Variants in VNN1 observed in about 807,000 individuals in gnomAD.
VNN1 encodes the protein vanin 1.
A neutral mutation model predicts 41.9 loss-of-function variants in VNN1; 29 were observed. That is an observed-to-expected ratio of 0.69 (90% CI 0.52 to 0.94). The LOEUF (loss-of-function observed/expected upper bound fraction) is 0.94, where lower values mean the gene tolerates loss of function less well. Among genes scored for constraint, VNN1 ranks in the 40% least tolerant of loss-of-function variants. The pLI, the probability that VNN1 is intolerant of heterozygous loss-of-function variation, is 0.00. For synonymous variants in VNN1, 233 were observed against 224.4 expected (o/e 1.04, Z -0.34); for missense variants, 637 against 621.1 (o/e 1.03, Z -0.27).
At chr6:132,704,672 C>A (rs1263111642) in intron 2 of VNN1, among the ~76,000 whole-genome samples, 7 of 150,624 alleles carry the variant, frequency 4.6e-5, no homozygotes, top group Admixed American at 2.0e-4. Flanking sequence ...AAGAGCAAAC[C>A]AAACCTGAAA....
chr6:132,684,126 T>A, intron 6 of VNN1, among the ~76,000 whole-genome samples: 1 of 152,072 alleles, frequency 6.6e-6, no homozygotes, highest in Non-Finnish European at 1.5e-5. Flanking sequence ...AGATATATAT[T>A]TTTTTATTCT....
chr6:132,691,408 A>G (rs1376547066), intron 5 of VNN1, among the ~76,000 whole-genome samples: 1 of 152,012 alleles, frequency 6.6e-6, no homozygotes, highest in Non-Finnish European at 1.5e-5. Context: ...CTTGCGAGCA[A>G]TGAGAGATTG....
chr6:132,706,413 G>GT (rs1778519869), intron 2 of VNN1, among the ~76,000 whole-genome samples: 1 of 152,154 alleles, frequency 6.6e-6, no homozygotes, highest in Admixed American at 6.5e-5. Context: ...GGAAAGGACA[G>GT]TTTTTTCAAT....
At chr6:132,712,862 C>T (rs997195850) in intron 1 of VNN1, among the ~76,000 whole-genome samples, 5 of 152,304 alleles carry the variant, frequency 3.3e-5, no homozygotes, top group African/African-American at 1.2e-4. Context: ...AGGGCAGTCA[C>T]GGTAGCTCAT....
intron 2 of VNN1, among the ~76,000 whole-genome samples, chr6:132,695,366 C>T (rs1778353573): frequency 6.6e-6 from 1 of 152,172 alleles, no homozygotes; most frequent in African/African-American, 2.4e-5. Context: ...TAGCTCTTAG[C>T]TCAATAGTGG....
At position 132,681,275 on chromosome 6, in the gene VNN1, C is replaced by T. The variant is rs1026017579; in HGVS notation, c.*1865G>A. Among the ~76,000 whole-genome samples, 6 of 152,158 alleles carry T rather than the reference C, an allele frequency of 3.9e-5. No individual in the cohort carries two copies. The highest frequency in any genetic ancestry group is 1.4e-4 in the African/African-American group (6 of 41,420). ...CATTGCTCTAGGAGAAGCCAGATGA[C>T]ATTTTATGAAAGTTTTTCTAGCATC... On this transcript the variant is annotated 3_prime_UTR_variant, in exon 7 of 7. Coordinates refer to ENST00000367928, the MANE Select transcript of VNN1 (RefSeq NM_004666.3).
rs767214696 is a variant in VNN1, at chr6:132,714,037, C to T, written c.-2G>A. Reference sequence around the variant, plus strand: ...GTAAGCTGGCAACTGAGTAGTCATGCTGAAGTCCAATGAGTGCTGAAAAAC... The same window carrying T: ...GTAAGCTGGCAACTGAGTAGTCATGTTGAAGTCCAATGAGTGCTGAAAAAC... On this transcript the variant is annotated 5_prime_UTR_variant, in exon 1 of 7. Transcript: ENST00000367928. The T allele has an allele frequency of 3.1e-6, 5 of 1,609,518 alleles. No individual in the cohort carries two copies. The Admixed American group carries it at 5.1e-5, about 16-fold the overall frequency.
Position 132,713,866 on chromosome 6 carries a change from AGATTCC to A in VNN1, c.164_169del (p.Arg55_Asn56del). The A allele has an allele frequency of 6.2e-7, 1 of 1,613,564 alleles. No homozygotes were observed. Among genetic ancestry groups the A allele is most frequent in the Non-Finnish European group, 8.5e-7 (1 of 1,180,012 alleles). On this transcript the variant is annotated inframe_deletion, in exon 1 of 7. Coordinates refer to ENST00000367928, the MANE Select transcript of VNN1 (RefSeq NM_004666.3). Reference sequence around the variant, plus strand: ...TGTGATCGCTCCTTCCAAAATGTCCAGATTCCGATTCATTAATGCCAAAGCCTCCTC... The same window carrying A: ...TGTGATCGCTCCTTCCAAAATGTCCAGATTCATTAATGCCAAAGCCTCCTC...
chr6:132,701,437 A>G (rs779045228), intron 2 of VNN1, among the ~76,000 whole-genome samples: 2 of 152,204 alleles, frequency 1.3e-5, no homozygotes, highest in Non-Finnish European at 2.9e-5. Flanking sequence ...CCTACAGCTA[A>G]CATCCTATGG....
Position 132,681,491 on chromosome 6 carries a change from T to A in VNN1, c.*1649A>T, listed in dbSNP as rs367866200. 2 of 152,150 alleles carry A rather than the reference T, an allele frequency of 1.3e-5. No homozygotes were observed. Among genetic ancestry groups the A allele is most frequent in the Non-Finnish European group, 2.9e-5 (2 of 68,030 alleles). The allele number at this position is 152,150 out of a possible 1,614,324, so 9.4% of individuals were successfully genotyped here. ...CTCAGAAATGCTATAAGATAATAAA[T>A]GTTTGTTGTTTTAAGATAATAGTTT... On this transcript the variant is annotated 3_prime_UTR_variant, in exon 7 of 7. Coordinates refer to ENST00000367928, the MANE Select transcript of VNN1 (RefSeq NM_004666.3).
intron 5 of VNN1, among the ~76,000 whole-genome samples, chr6:132,685,821 C>T (rs1778197476): frequency 6.6e-6 from 1 of 152,198 alleles, no homozygotes. Flanking sequence ...TCCCCTACTC[C>T]AGTAAATAAC....
intron 2 of VNN1, among the ~76,000 whole-genome samples, chr6:132,703,083 C>G (rs1243395809): frequency 6.6e-6 from 1 of 152,186 alleles, no homozygotes; most frequent in Non-Finnish European, 1.5e-5. Flanking sequence ...AATTCCAGGA[C>G]TTAGCTCCTG....
Position 132,683,330 on chromosome 6 carries a change from A to C in VNN1, c.1360-8T>G, listed in dbSNP as rs1251405353. Reference sequence around the variant, plus strand: ...GCGTCCGTCAGTTGACACCTGATTAAAACAAAAAAGTAGGCAAAGGCTACC... The same window carrying C: ...GCGTCCGTCAGTTGACACCTGATTACAACAAAAAAGTAGGCAAAGGCTACC... On this transcript the variant is annotated splice_region_variant and splice_polypyrimidine_tract_variant and intron_variant, in intron 6 of 6. Transcript: ENST00000367928. 1 of 1,607,900 alleles carries C rather than the reference A, an allele frequency of 6.2e-7. No homozygotes were observed. The highest frequency in any genetic ancestry group is 1.7e-5 in the Admixed American group (1 of 58,120).
chr6:132,689,280 C>G (rs75834595), intron 5 of VNN1, among the ~76,000 whole-genome samples: 7,728 of 152,186 alleles, frequency 0.051, 215 homozygotes, highest in East Asian at 0.11. Context: ...AACACACACA[C>G]ACACATACAC....
At chr6:132,686,132 ATACT>A (rs1333771907) in intron 5 of VNN1, among the ~76,000 whole-genome samples, 1 of 152,200 alleles carries the variant, frequency 6.6e-6, no homozygotes, top group African/African-American at 2.4e-5. Flanking sequence ...TGAATGGGAC[ATACT>A]TACACTTTTT....
Position 132,697,389 on chromosome 6 carries a change from G to A in VNN1, c.342-3207C>T, listed in dbSNP as rs372391755. On this transcript the variant is annotated intron_variant, in intron 2 of 6. Transcript: ENST00000367928. ...GCTGTTGCCATTGTTCAAATAAGAG[G>A]TAACAAGGATTGGCTAGGGCAGTAC... 2.6e-5 allele frequency among the ~76,000 whole-genome samples: 4 copies of A among 152,172 alleles called. No homozygotes were observed. In the East Asian group the frequency reaches 5.8e-4, roughly 22 times the overall value.
chr6:132,710,458 G>A (rs1778583212), intron 2 of VNN1, among the ~76,000 whole-genome samples: 2 of 152,010 alleles, frequency 1.3e-5, no homozygotes, highest in African/African-American at 2.4e-5. Flanking sequence ...GTGCCATGGT[G>A]GTTTGCTGCA....
chr6:132,711,394 T>C (rs547063100), intron 2 of VNN1, among the ~76,000 whole-genome samples: 27 of 152,306 alleles, frequency 1.8e-4, no homozygotes, highest in African/African-American at 5.8e-4. Context: ...TGTGACTCTC[T>C]TTTGCCATTT....
At chr6:132,698,594 C>A (rs1778405510) in intron 2 of VNN1, among the ~76,000 whole-genome samples, 1 of 152,190 alleles carries the variant, frequency 6.6e-6, no homozygotes, top group South Asian at 2.1e-4. Context: ...AGCCCTTCAG[C>A]TCCAAGCTGA....
Sources: allele counts gnomAD v4.1 joint callset (sites outside exome capture counted in the v4.1 genomes callset), GRCh38; gene constraint gnomAD v4.1.1; transcripts MANE v1.5; gene names NCBI Gene and HGNC (gene_info 2026-07-23, HGNC 2026-07-21).